MGST1: variants seen among roughly 807,000 people sequenced by gnomAD.
MGST1 encodes the protein glutathione S-transferase 12.
A neutral mutation model predicts 8.9 loss-of-function variants in MGST1; 5 were observed. The ratio of observed to expected loss-of-function variants is 0.56; its 90% CI spans 0.29 to 1.19. The LOEUF (loss-of-function observed/expected upper bound fraction) is 1.19. MGST1 is among the 50% of genes most tolerant of loss of function. The probability of loss-of-function intolerance (pLI) is 0.08; values close to 1 mark genes in which losing one functional copy is unlikely to be tolerated. For synonymous variants in MGST1, 54 were observed against 67.8 expected (o/e 0.80, Z 1.00); for missense variants, 182 against 187.4 (o/e 0.97, Z 0.17).
At chr12:16,545,179 A>G (rs985487579) in intron 4 of MGST1, among the ~76,000 whole-genome samples, 4 of 152,104 alleles carry the variant, frequency 2.6e-5, no homozygotes, top group Non-Finnish European at 2.9e-5. Context: ...ATTCTAATCA[A>G]TGTTTAAATG....
At chr12:16,574,838 A>G (rs981510044) in intron 4 of MGST1, among the ~76,000 whole-genome samples, 1 of 152,216 alleles carries the variant, frequency 6.6e-6, no homozygotes, top group African/African-American at 2.4e-5. Context: ...AAACAGAAGT[A>G]TAGAGAGGTA....
chr12:16,566,666 CTTA>C (rs1294527276), intron 4 of MGST1, among the ~76,000 whole-genome samples: 2 of 152,036 alleles, frequency 1.3e-5, no homozygotes, highest in African/African-American at 4.8e-5. Context: ...TTAACTCTAG[CTTA>C]TTTAGTTCAG....
rs757523630 is a variant in MGST1, at chr12:16,500,286, A to G, written n.483-89242A>G. On this transcript the variant is annotated intron_variant and non_coding_transcript_variant, in intron 4 of 4. Transcript: ENST00000538857. The surrounding 1 kb of genome is among the most constrained non-coding windows in gnomAD (Gnocchi z 4.3). ...CAAAATGAAGCAAAGTGTAACTACG[A>G]TAGTTGGAAAATATAAAATATTTGG... Among the ~76,000 whole-genome samples, 1 of 152,212 alleles carries G rather than the reference A, an allele frequency of 6.6e-6. No individual in the cohort carries two copies. The highest frequency in any genetic ancestry group is 1.5e-5 in the Non-Finnish European group (1 of 68,044).
downstream of MGST1, among the ~76,000 whole-genome samples, chr12:16,365,224 A>G (rs1940163855): frequency 1.3e-5 from 2 of 151,860 alleles, no homozygotes; most frequent in South Asian, 4.2e-4. Flanking sequence ...CATGGTTTCT[A>G]CATATAACTA....
intron 4 of MGST1, among the ~76,000 whole-genome samples, chr12:16,523,444 A>G (rs774039535): frequency 6.6e-6 from 1 of 151,458 alleles, no homozygotes; most frequent in Non-Finnish European, 1.5e-5. Context: ...CCAAGGCCTC[A>G]CTCTCCTCCT....
chr12:16,349,776 G>A (rs1474617135), intron 1 of MGST1, among the ~76,000 whole-genome samples: 1 of 133,888 alleles, frequency 7.5e-6, no homozygotes, highest in Non-Finnish European at 1.5e-5. Context: ...ACGGGGTCTC[G>A]CACTGTCACC....
In MGST1 at chr12:16,410,258, A is replaced by G. The variant is rs867100144; in HGVS notation, n.778+26654A>G. On this transcript the variant is annotated intron_variant and non_coding_transcript_variant, in intron 1 of 1. Coordinates refer to the MGST1 transcript ENST00000359720. This position sits in a 1 kb window ranked among gnomAD's most constrained non-coding sequence, Gnocchi z 4.4. Reference sequence around the variant, plus strand: ...TTTAAGATGATTTACCATATTTAAAATCTATCATTTTAATTATTTTAATGG... The same window carrying G: ...TTTAAGATGATTTACCATATTTAAAGTCTATCATTTTAATTATTTTAATGG... 7.9e-5 allele frequency among the ~76,000 whole-genome samples: 12 copies of G among 152,278 alleles called. No homozygotes were observed. The highest frequency in any genetic ancestry group is 2.1e-4 in the South Asian group (1 of 4,826).
rs1049892308 is a variant in MGST1 at position 16,410,597 on chromosome 12, A to G, written n.779-26791A>G. ...TATATATTTTTACACATACATATTA[A>G]TGTTTATATATTACATATAAATATT... On this transcript the variant is annotated intron_variant and non_coding_transcript_variant, in intron 1 of 1. Transcript: ENST00000359720. The surrounding 1 kb of genome is among the most constrained non-coding windows in gnomAD (Gnocchi z 4.4). Among the ~76,000 whole-genome samples, 50 of 148,384 alleles carry G rather than the reference A, an allele frequency of 3.4e-4. No homozygotes were observed. Among genetic ancestry groups the G allele is most frequent in the Non-Finnish European group, 5.3e-4 (36 of 67,302 alleles).
intron 1 of MGST1, chr12:16,348,801 T>TAAAAAAA (rs61688908): frequency 7.2e-6 from 1 of 139,292 alleles, no homozygotes; most frequent in African/African-American, 2.7e-5. Flanking sequence ...CTTTGGTAAT[T>TAAAAAAA]AAAAAAAAAA....
intron 4 of MGST1, chr12:16,550,165 T>C (rs938273207): frequency 2.0e-4 from 30 of 152,120 alleles, no homozygotes; most frequent in African/African-American, 7.2e-4. Context: ...ATAGCTTCAA[T>C]GTGCATTATA....
At chr12:16,558,116 T>C (rs1012534627) in intron 4 of MGST1, among the ~76,000 whole-genome samples, 5 of 151,976 alleles carry the variant, frequency 3.3e-5, no homozygotes, top group Non-Finnish European at 7.4e-5. Flanking sequence ...ATAAATTGAG[T>C]GAAAAAGTCC....
rs377260965 is a variant in MGST1 at position 16,584,590 on chromosome 12, G to T, written n.483-4938G>T. The stretch of plus-strand genomic sequence containing the variant: ...AACATTGGCAAGTGGAGGAGTGGGG[G>T]GGGTAAGAGGCCTGTTTAGAGGTGG... On this transcript the variant is annotated intron_variant and non_coding_transcript_variant, in intron 4 of 4. Transcript: ENST00000538857. The surrounding 1 kb of genome is among the most constrained non-coding windows in gnomAD (Gnocchi z 5.2). 2.6e-4 allele frequency among the ~76,000 whole-genome samples: 39 copies of T among 152,204 alleles called. 1 individual carries two copies. The highest frequency in any genetic ancestry group is 8.4e-4 in the African/African-American group (35 of 41,500).
At chr12:16,436,376 C>G (rs1940987013) in intron 1 of MGST1, among the ~76,000 whole-genome samples, 1 of 151,786 alleles carries the variant, frequency 6.6e-6, no homozygotes, top group Non-Finnish European at 1.5e-5. Flanking sequence ...TCCAGAAAAA[C>G]TTGATCGAAG....
chr12:16,444,354 C>G (rs1941063282), intron 4 of MGST1, among the ~76,000 whole-genome samples: 2 of 151,778 alleles, frequency 1.3e-5, no homozygotes, highest in Non-Finnish European at 2.9e-5. Flanking sequence ...AATCCACTTT[C>G]ATTGTCCCTT....
intron 4 of MGST1, among the ~76,000 whole-genome samples, chr12:16,468,252 A>G (rs998678493): frequency 6.6e-6 from 1 of 152,216 alleles, no homozygotes; most frequent in African/African-American, 2.4e-5. Context: ...TCTAGGTCAA[A>G]ATGAACACAA....
intron 4 of MGST1, among the ~76,000 whole-genome samples, chr12:16,557,367 AT>A (rs68115649): frequency 0.036 from 5,146 of 142,670 alleles, 207 homozygotes; most frequent in African/African-American, 0.093. Context: ...GGTGGCAAGG[AT>A]TTTTTTTTTT....
At chr12:16,432,679 G>GACACACACAC (rs36054419) in intron 1 of MGST1, among the ~76,000 whole-genome samples, 1 of 124,300 alleles carries the variant, frequency 8.0e-6, no homozygotes, top group Non-Finnish European at 1.7e-5. Context: ...CTCTCTCTCT[G>GACACACACAC]ACACACACAC....
chr12:16,404,005 AT>A (rs1426436589), intron 1 of MGST1, among the ~76,000 whole-genome samples: 1 of 152,238 alleles, frequency 6.6e-6, no homozygotes, highest in East Asian at 1.9e-4. Context: ...ATTTTGTCTG[AT>A]TTTTTAATAT....
chr12:16,355,264 A>G (rs1396480948), intron 2 of MGST1, among the ~76,000 whole-genome samples: 1 of 144,788 alleles, frequency 6.9e-6, no homozygotes, highest in Non-Finnish European at 1.5e-5. Context: ...GCTGGAGTGC[A>G]GTGGCAGGAT....
Sources: allele counts gnomAD v4.1 joint callset (sites outside exome capture counted in the v4.1 genomes callset), GRCh38; gene constraint gnomAD v4.1.1; non-coding constraint Gnocchi (gnomAD v3.1); transcripts MANE v1.5; gene names NCBI Gene and HGNC (gene_info 2026-07-23, HGNC 2026-07-21).